Variants in EYS observed in about 807,000 individuals in gnomAD.
EYS encodes the protein EGF-like photoreceptor maintenance factor, also known as protein eyes shut homolog.
Under a neutral mutation model 282.1 loss-of-function variants are expected in EYS, and 250 were observed. That is an observed-to-expected ratio of 0.89 (90% CI 0.80 to 0.98). The LOEUF is 0.98. Among genes scored for constraint, EYS ranks in the 50% least tolerant of loss-of-function variants. The pLI, the probability that EYS is intolerant of heterozygous loss-of-function variation, is 0.00. For synonymous variants in EYS, 1,355 were observed against 1,282.9 expected, an observed-to-expected ratio of 1.06 and a Z score of -1.20; for missense variants, 4,016 against 3,709.0, an observed-to-expected ratio of 1.08 and a Z score of -2.15.
chr6:65,657,301 A>T (rs1486742985), intron 1 of EYS, among the ~76,000 whole-genome samples: 1 of 151,842 alleles, frequency 6.6e-6, no homozygotes, highest in Non-Finnish European at 1.5e-5. Context: ...TTAAGAAATA[A>T]ATTTCATAAG....
At chr6:64,437,924 C>A (rs1359173525) in intron 27 of EYS, among the ~76,000 whole-genome samples, 1 of 151,482 alleles carries the variant, frequency 6.6e-6, no homozygotes, top group Non-Finnish European at 1.5e-5. Flanking sequence ...ACACTTAAAT[C>A]ACATCATAAA....
intron 22 of EYS, among the ~76,000 whole-genome samples, chr6:64,802,195 G>A (rs1764266973): frequency 1.3e-5 from 2 of 151,066 alleles, no homozygotes; most frequent in Non-Finnish European, 3.0e-5. Context: ...CACCATGCCC[G>A]GCTAATATTT....
chr6:64,849,922 T>A (rs926564586), intron 19 of EYS, among the ~76,000 whole-genome samples: 1 of 152,032 alleles, frequency 6.6e-6, no homozygotes, highest in African/African-American at 2.4e-5. Context: ...CTTTTTTATA[T>A]AATAATTTAA....
In EYS at chr6:64,730,603, G is replaced by A. The variant is rs564568744; in HGVS notation, c.3443+82775C>T. ...AAGCAATTCTCCTGCCTCAGCCTCC[G>A]AGTAGCTAGGACTACAGGCACGCAC... On this transcript the variant is annotated intron_variant, in intron 22 of 42. Coordinates refer to ENST00000503581, the MANE Select transcript of EYS (RefSeq NM_001142800.2). 2.4e-3 allele frequency among the ~76,000 whole-genome samples: 360 copies of A among 152,012 alleles called. 1 individual carries two copies. Among genetic ancestry groups the A allele is most frequent in the African/African-American group, 8.2e-3 (339 of 41,486 alleles).
intron 10 of EYS, among the ~76,000 whole-genome samples, chr6:65,336,796 T>C (rs1319947729): frequency 6.6e-6 from 1 of 151,550 alleles, no homozygotes; most frequent in African/African-American, 2.4e-5. Flanking sequence ...TTTAACAGCT[T>C]TAAAAATCTT....
At chr6:65,544,001 A>AGTGTGTGT (rs751872447) in intron 2 of EYS, among the ~76,000 whole-genome samples, 9,031 of 144,846 alleles carry the variant, frequency 0.062, 369 homozygotes, top group East Asian at 0.15. Context: ...AAAAAGAGAA[A>AGTGTGTGT]GTGTGTGTGT....
chr6:64,907,766 A>G (rs1299241814), intron 16 of EYS, among the ~76,000 whole-genome samples: 3 of 152,134 alleles, frequency 2.0e-5, no homozygotes, highest in Non-Finnish European at 4.4e-5. Context: ...ATGCCCAGAC[A>G]TAGGTAAATC....
chr6:64,608,558 C>T (rs1767006962), intron 24 of EYS, among the ~76,000 whole-genome samples: 1 of 152,046 alleles, frequency 6.6e-6, no homozygotes, highest in African/African-American at 2.4e-5. Context: ...GAGTGTGTGC[C>T]TCGATGTATA....
chr6:64,619,760 A>G (rs1767386876), intron 23 of EYS, among the ~76,000 whole-genome samples: 2 of 151,912 alleles, frequency 1.3e-5, no homozygotes, highest in South Asian at 2.1e-4. Flanking sequence ...CTGCAGCCTC[A>G]ACCTCCTGGG....
chr6:64,356,850 G>A (rs1009983556), intron 29 of EYS, among the ~76,000 whole-genome samples: 3 of 151,474 alleles, frequency 2.0e-5, no homozygotes, highest in African/African-American at 7.3e-5. Context: ...TTGTAACTAC[G>A]GGTGCTATTG....
Position 63,788,219 on chromosome 6 carries a change from C to A in EYS, c.7609G>T (p.Ala2537Ser), listed in dbSNP as rs189406424. The A allele has an allele frequency of 1.3e-6, 2 of 1,538,226 alleles. No individual in the cohort carries two copies. Among genetic ancestry groups the A allele is most frequent in the Admixed American group, 4.2e-5 (2 of 47,858 alleles). ...TTGAGACCAACCAGTCTTCCTGGGGCGATAATGGATTTATTTTTATGATCA... is the reference window on the plus strand; with the variant it reads ...TTGAGACCAACCAGTCTTCCTGGGGAGATAATGGATTTATTTTTATGATCA... ...VDDHKNKSII[A>S]PGRLVGLNVF... is the part of the protein sequence containing the mutation. Residue 2537 changes from alanine (A) to serine (S), a missense_variant, in exon 39 of 43, where the codon GCC (alanine) becomes TCC (serine). Ala to Ser is a moderately conservative substitution (Grantham distance 99). Coordinates refer to ENST00000503581, the MANE Select transcript of EYS (RefSeq NM_001142800.2).
intron 36 of EYS, among the ~76,000 whole-genome samples, chr6:63,810,555 G>T (rs796313711): frequency 4.5e-4 from 68 of 152,294 alleles, no homozygotes; most frequent in African/African-American, 1.5e-3. Flanking sequence ...GCTCAGGCTT[G>T]ATTCTGGATG....
intron 24 of EYS, among the ~76,000 whole-genome samples, chr6:64,603,482 T>C (rs1351421608): frequency 2.0e-5 from 3 of 151,868 alleles, no homozygotes; most frequent in Admixed American, 6.6e-5. Flanking sequence ...CTTGAAAAAA[T>C]CCATTAGACA....
intron 11 of EYS, among the ~76,000 whole-genome samples, chr6:65,318,870 G>A (rs1013035581): frequency 6.7e-6 from 1 of 149,824 alleles, no homozygotes; most frequent in Non-Finnish European, 1.5e-5. Context: ...TCAAACTCCT[G>A]AGCTCAAGGG....
intron 14 of EYS, among the ~76,000 whole-genome samples, chr6:64,950,821 A>ATGTG (rs1769473334): frequency 8.6e-6 from 1 of 116,454 alleles, no homozygotes; most frequent in African/African-American, 3.0e-5. Context: ...ATATATATAT[A>ATGTG]TATATATATA....
intron 2 of EYS, among the ~76,000 whole-genome samples, chr6:65,547,738 G>A (rs1022965267): frequency 4.6e-5 from 7 of 152,066 alleles, no homozygotes; most frequent in African/African-American, 1.7e-4. Flanking sequence ...TTTTGTTGTT[G>A]TTATTCTTTT....
At chr6:65,224,215 A>G (rs1447588104) in intron 12 of EYS, among the ~76,000 whole-genome samples, 1 of 152,212 alleles carries the variant, frequency 6.6e-6, no homozygotes, top group African/African-American at 2.4e-5. Context: ...CATACAAACT[A>G]TCTTTAGGGA....
intron 26 of EYS, among the ~76,000 whole-genome samples, chr6:64,506,691 T>A (rs1582831860): frequency 6.6e-6 from 1 of 152,030 alleles, no homozygotes; most frequent in South Asian, 2.1e-4. Context: ...GGCAGGCGTA[T>A]CACGAGGTCA....
At chr6:64,030,897 G>A (rs1224794257) in intron 33 of EYS, among the ~76,000 whole-genome samples, 1 of 152,202 alleles carries the variant, frequency 6.6e-6, no homozygotes, top group Non-Finnish European at 1.5e-5. Context: ...ACAACTGCAG[G>A]GCCCCTTCAT....
Sources: gnomAD v4.1 joint callset for allele counts (sites outside exome capture counted in the v4.1 genomes callset) on GRCh38, gnomAD v4.1.1 for gene constraint, MANE v1.5 for transcripts, NCBI Gene and HGNC (gene_info 2026-07-23, HGNC 2026-07-21) for gene names.